Variants in C1orf174 observed in about 807,000 individuals in gnomAD.
C1orf174 encodes the protein UPF0688 protein C1orf174.
A neutral mutation model predicts 18.4 loss-of-function variants in C1orf174; 13 were observed. The observed-to-expected ratio is 0.71, with a 90% CI of 0.46 to 1.12. The LOEUF (loss-of-function observed/expected upper bound fraction) is 1.12. C1orf174 is among the 50% of genes most tolerant of loss of function. The pLI is 0.00. For missense variants in C1orf174, 309 were observed against 308.0 expected (o/e 1.00, Z -0.02); for synonymous variants, 100 against 118.3 (o/e 0.85, Z 1.01).
At chr1:3,892,784 C>T (rs989753288) in intron 2 of C1orf174, 99 bp downstream of exon 2, 6 of 1,511,232 alleles carry the variant, frequency 4.0e-6, no homozygotes, top group South Asian at 2.6e-5. Context: ...AAGTAACAGT[C>T]GATATTTTTC....
At chr1:3,898,516 A>C (rs1405953805) in intron 1 of C1orf174, among the ~76,000 whole-genome samples, 2 of 139,228 alleles carry the variant, frequency 1.4e-5, no homozygotes, top group Admixed American at 1.4e-4. Context: ...CTCAAAGCAA[A>C]AACAACAACA....
Position 3,889,832 on chromosome 1 carries a change from G to T in C1orf174, c.*128C>A. The T allele has an allele frequency of 1.2e-6, 1 of 855,780 alleles. No homozygotes were observed. The highest frequency in any genetic ancestry group is 1.9e-6 in the Non-Finnish European group (1 of 515,640). The allele number at this position is 855,780 out of a possible 1,614,324, so 53.0% of individuals were successfully genotyped here. A position where few individuals can be genotyped will look rare whatever the true frequency, so the allele number is the denominator to read the frequency against. Reference sequence around the variant, plus strand: ...TTGGGTGCTTTGCACTATTGACTTAGATGGGTCAGTTCTGAAGTTTGATTA... The same window carrying T: ...TTGGGTGCTTTGCACTATTGACTTATATGGGTCAGTTCTGAAGTTTGATTA... On this transcript the variant is annotated 3_prime_UTR_variant, in exon 4 of 4. Transcript: ENST00000361605.
At chr1:3,897,541 G>A (rs982604862) in intron 1 of C1orf174, among the ~76,000 whole-genome samples, 1 of 152,210 alleles carries the variant, frequency 6.6e-6, no homozygotes, top group African/African-American at 2.4e-5. Context: ...ACATCATTAA[G>A]TGCACTAACA....
At chr1:3,892,747 A>ATCTGCAATAGTCCCCCTCTGGCAGATAAG in intron 2 of C1orf174, 136 bp downstream of exon 2, 1 of 1,473,802 alleles carries the variant, frequency 6.8e-7, no homozygotes, top group Non-Finnish European at 9.0e-7. Context: ...TCACCTTTTC[A>ATCTGCAATAGTCCCCCTCTGGCAGATAAG]TCTGCAATAG....
chr1:3,892,921 C>T lies in C1orf174; in HGVS notation c.91G>A (p.Glu31Lys). 6.2e-7 allele frequency: 1 copy of T among 1,614,200 alleles called. No homozygotes were observed. Among genetic ancestry groups the T allele is most frequent in the Non-Finnish European group, 8.5e-7 (1 of 1,180,028 alleles). ...TTGGCAGACGTGGAACCAGCAACTT[C>T]CTGGGCAGAGGCCAACCTGGCTGCC... ...CSAARLASAQ[E>K]VAGSTSAKTA... Residue 31 changes from glutamate (E) to lysine (K), a missense_variant, in exon 2 of 4, where the codon GAA becomes AAA. Transcript: ENST00000361605.
chr1:3,892,635 G>A (rs995439022), intron 2 of C1orf174: 2 of 1,226,090 alleles, frequency 1.6e-6, no homozygotes, highest in Non-Finnish European at 2.1e-6. Flanking sequence ...CGGGTGCTAG[G>A]ATCAGAGCCC....
At chr1:3,891,249 AC>A (rs149064323) in intron 2 of C1orf174, 192 bp from the exon 3 acceptor site, 7,615 of 667,470 alleles carry the variant, frequency 0.011, 165 homozygotes, top group African/African-American at 0.05. Context: ...GACACACCCC[AC>A]ACCACTCCTA....
At chr1:3,891,087 A>C in intron 2 of C1orf174, 30 bp from the exon 3 acceptor site, 1 of 1,578,602 alleles carries the variant, frequency 6.3e-7, no homozygotes, top group East Asian at 2.2e-5. Context: ...AAGGGGAACC[A>C]GACATATCTA....
chr1:3,899,293 A>T (rs1204951663), intron 1 of C1orf174, among the ~76,000 whole-genome samples: 1 of 152,246 alleles, frequency 6.6e-6, no homozygotes, highest in Admixed American at 6.5e-5. Flanking sequence ...ATGTGCCTAC[A>T]GGAGACAAGT....
intron 1 of C1orf174, among the ~76,000 whole-genome samples, chr1:3,896,725 A>C (rs1045314994): frequency 6.6e-6 from 1 of 152,398 alleles, no homozygotes; most frequent in Admixed American, 6.5e-5. Context: ...TCTTGGACAC[A>C]GAACAAACTA....
intron 2 of C1orf174, chr1:3,891,673 T>G (rs1570964266): frequency 2.0e-6 from 2 of 985,974 alleles, no homozygotes; most frequent in Non-Finnish European, 2.4e-6. Context: ...TGGGCTAGGG[T>G]GAACGGCAGA....
chr1:3,899,853 T>C (rs369424767), intron 1 of C1orf174, among the ~76,000 whole-genome samples: 8 of 147,162 alleles, frequency 5.4e-5, no homozygotes, highest in African/African-American at 2.0e-4. Context: ...TCCCCTTCTC[T>C]CGGGGGTGTG....
Position 3,890,559 on chromosome 1 carries a change from C to A in C1orf174, c.618+10G>T. 2 of 1,612,882 alleles carry A rather than the reference C, an allele frequency of 1.2e-6. No homozygotes were observed. Among genetic ancestry groups the A allele is most frequent in the Non-Finnish European group, 1.7e-6 (2 of 1,179,282 alleles). ...GAGTACCCACGGGAGGAGGAAGGCGCCGCTCTTACCTGCATGAGCTCAACG... is the reference window on the plus strand; with the variant it reads ...GAGTACCCACGGGAGGAGGAAGGCGACGCTCTTACCTGCATGAGCTCAACG... On this transcript the variant is annotated intron_variant, in intron 3 of 3. Coordinates refer to ENST00000361605, the MANE Select transcript of C1orf174 (RefSeq NM_207356.3).
At chr1:3,899,427 T>C (rs1371792299) in intron 1 of C1orf174, among the ~76,000 whole-genome samples, 11 of 151,894 alleles carry the variant, frequency 7.2e-5, no homozygotes, top group Admixed American at 5.2e-4. Context: ...CCGCGCCGGG[T>C]CCACTGTGAA....
At chr1:3,890,420 G>C in intron 3 of C1orf174, 149 bp downstream of exon 3, 3 of 1,162,298 alleles carry the variant, frequency 2.6e-6, no homozygotes, top group Non-Finnish European at 2.4e-6. Context: ...TTAGCCAACG[G>C]TTTCATTTTC....
rs1638440334 is a variant in C1orf174 at position 3,889,243 on chromosome 1, A to G, written c.*717T>C. 6.6e-6 allele frequency: 1 copy of G among 152,234 alleles called. No homozygotes were observed. The allele number at this position is 152,234 out of a possible 1,614,324, so 9.4% of individuals were successfully genotyped here. A position where few individuals can be genotyped will look rare whatever the true frequency, so the allele number is the denominator to read the frequency against. On this transcript the variant is annotated 3_prime_UTR_variant, in exon 4 of 4. Transcript: ENST00000361605. ...AGAGTTCTTTAAGAACTAGCATTGA[A>G]TTCATCACAAGAATCATCAAATTAT...
At chr1:3,895,402 C>A (rs915121802) in intron 1 of C1orf174, 2 of 152,292 alleles carry the variant, frequency 1.3e-5, no homozygotes, top group African/African-American at 4.8e-5. Flanking sequence ...AGGTGCTTCT[C>A]AAGGCTTCTG....
Position 3,889,384 on chromosome 1 carries a change from C to G in C1orf174, c.*576G>C, listed in dbSNP as rs569226170. 2.0e-5 allele frequency: 3 copies of G among 152,896 alleles called. No homozygotes were observed. In the East Asian group the frequency reaches 5.8e-4, roughly 29 times the overall value. The allele number at this position is 152,896 out of a possible 1,614,324, so 9.5% of individuals were successfully genotyped here. ...CCCTGCAGCTGACTCAAGCCATCATCATGTATGTACGTGTATAAGAAAGGA... is the reference window on the plus strand; with the variant it reads ...CCCTGCAGCTGACTCAAGCCATCATGATGTATGTACGTGTATAAGAAAGGA... On this transcript the variant is annotated 3_prime_UTR_variant, in exon 4 of 4. Transcript: ENST00000361605.
rs554781624 is a variant in C1orf174, at chr1:3,900,200, G to T, written c.-14C>A. The T allele has an allele frequency of 1.6e-5, 25 of 1,579,934 alleles. No homozygotes were observed. Among genetic ancestry groups the T allele is most frequent in the Non-Finnish European group, 2.0e-5 (24 of 1,172,432 alleles). On this transcript the variant is annotated 5_prime_UTR_variant, in exon 1 of 4. Transcript: ENST00000361605. ...CCGGCTCCTCATGAGTGTGAGCACC[G>T]CAGCCAAGCACCGCGCGCCCCGGCC...
Sources: gnomAD v4.1 joint callset for allele counts (sites outside exome capture counted in the v4.1 genomes callset) on GRCh38, gnomAD v4.1.1 for gene constraint, MANE v1.5 for transcripts, NCBI Gene and HGNC (gene_info 2026-07-23, HGNC 2026-07-21) for gene names.